The following STYXL1 variants were observed in gnomAD, a reference collection of about 807,000 sequenced individuals.
The protein encoded by STYXL1 is serine/threonine/tyrosine interacting like 1.
In STYXL1, 32 loss-of-function variants were observed where a neutral mutation model predicts 36.4. That is an observed-to-expected ratio of 0.88 (90% CI 0.66 to 1.18). The LOEUF is 1.18. Among genes scored for constraint, STYXL1 ranks in the 50% most tolerant of loss-of-function variants. The pLI is 0.00. For synonymous variants in STYXL1, 133 were observed against 144.1 expected (o/e 0.92, Z 0.55); for missense variants, 354 against 394.1 (o/e 0.90, Z 0.86).
chr7:76,046,323 TGTGTGTGTGTGTGTGTGCGCGCGCGC>T (rs880003677), intron 1 of STYXL1, among the ~76,000 whole-genome samples: 5,756 of 26,680 alleles, frequency 0.22, 276 homozygotes, highest in Middle Eastern at 0.32. Flanking sequence ...TGTGTGTGTG[TGTGTGTGTGTGTGTGTGCGCGCGCGC>T]GCGCGCGCGC....
At chr7:76,007,805 C>T (rs782012219) in intron 5 of STYXL1, among the ~76,000 whole-genome samples, 28 of 150,890 alleles carry the variant, frequency 1.9e-4, no homozygotes, top group African/African-American at 6.6e-4. Context: ...GCTGTACTCC[C>T]GGCTACTCAG....
intron 3 of STYXL1, among the ~76,000 whole-genome samples, chr7:76,027,723 C>T (rs1023041504): frequency 6.6e-6 from 1 of 152,038 alleles, no homozygotes; most frequent in Non-Finnish European, 1.5e-5. Flanking sequence ...AAAGAAAGCT[C>T]CACAACGGCA....
At chr7:76,011,542 T>C (rs1345588094) in intron 5 of STYXL1, among the ~76,000 whole-genome samples, 1 of 152,222 alleles carries the variant, frequency 6.6e-6, no homozygotes, top group Non-Finnish European at 1.5e-5. Context: ...CCAGAAAGTA[T>C]GGAATCTGCT....
intron 5 of STYXL1, among the ~76,000 whole-genome samples, chr7:76,007,465 G>T (rs1415816992): frequency 1.3e-5 from 2 of 152,054 alleles, no homozygotes; most frequent in Non-Finnish European, 2.9e-5. Flanking sequence ...TAGGTTAGAC[G>T]CAAATACTAC....
At chr7:76,037,312 A>T (rs1216249383) in intron 1 of STYXL1, among the ~76,000 whole-genome samples, 4 of 150,368 alleles carry the variant, frequency 2.7e-5, no homozygotes, top group Non-Finnish European at 6.0e-5. Flanking sequence ...TACACCCACC[A>T]GGGGGAAGGT....
intron 1 of STYXL1, among the ~76,000 whole-genome samples, chr7:76,031,714 C>CAAAA (rs11395068): frequency 7.4e-6 from 1 of 134,728 alleles, no homozygotes; most frequent in Non-Finnish European, 1.6e-5. Flanking sequence ...GACTCCATCT[C>CAAAA]AAAAAAAAAA....
At chr7:76,012,950 G>C (rs1251885370) in intron 5 of STYXL1, among the ~76,000 whole-genome samples, 6 of 152,158 alleles carry the variant, frequency 3.9e-5, no homozygotes, top group Non-Finnish European at 7.3e-5. Flanking sequence ...TTCTGACCTT[G>C]GTATCGGTCC....
At chr7:76,007,123 G>T (rs1253658631) in intron 5 of STYXL1, among the ~76,000 whole-genome samples, 7 of 152,100 alleles carry the variant, frequency 4.6e-5, no homozygotes, top group African/African-American at 1.7e-4. Flanking sequence ...ATCTAGAGAT[G>T]ATTTAAAGTA....
chr7:75,996,501 A>C lies in STYXL1; in HGVS notation c.909T>G (p.Asp303Glu), dbSNP rs1790143511. Residue 303 changes from aspartate (D) to glutamate (E), a missense_variant, in exon 9 of 9, where the codon GAT becomes GAG. Coordinates refer to ENST00000359697, the MANE Select transcript of STYXL1 (RefSeq NM_001317785.2). ...LLEWEKTILG[D>E]SITNIMDPLY is the part of the protein sequence containing the mutation. ...GCGGATCCATGATGTTTGTGATGGA[A>C]TCTCCAAGGATAGTCTTCTCCCATT... is the stretch of plus-strand genomic sequence containing the variant. 6.2e-7 allele frequency: 1 copy of C among 1,614,094 alleles called. No homozygotes were observed. Among genetic ancestry groups the C allele is most frequent in the Non-Finnish European group, 8.5e-7 (1 of 1,180,058 alleles).
intron 5 of STYXL1, among the ~76,000 whole-genome samples, chr7:76,007,272 A>C (rs554643698): frequency 1.3e-5 from 2 of 152,110 alleles, no homozygotes; most frequent in South Asian, 4.2e-4. Flanking sequence ...CGAAAAACAC[A>C]AAAATTAGCC....
intron 1 of STYXL1, among the ~76,000 whole-genome samples, chr7:76,046,932 T>G (rs1554583914): frequency 6.6e-6 from 1 of 150,872 alleles, no homozygotes; most frequent in East Asian, 2.0e-4. Flanking sequence ...ATTACAGGCA[T>G]GAGCCACCTT....
At position 75,999,511 on chromosome 7, in the gene STYXL1, A is replaced by ATGTGTGTGTGTGTGTG. The variant is rs71301271; in HGVS notation, c.810+1363_810+1378dup. ...TTTTGTTGTGTGTGTGTGTGTGTGT[A>ATGTGTGTGTGTGTGTG]TGTGTGTGTGTGTGTGTGTGTGTGT... On this transcript the variant is annotated intron_variant, in intron 8 of 8. Transcript: ENST00000359697. Among the ~76,000 whole-genome samples, 901 of 95,844 alleles carry ATGTGTGTGTGTGTGTG rather than the reference A, an allele frequency of 9.4e-3. 12 individuals are homozygous for ATGTGTGTGTGTGTGTG. Among genetic ancestry groups the ATGTGTGTGTGTGTGTG allele is most frequent in the Non-Finnish European group, 0.011 (538 of 50,306 alleles). 62.9% of individuals were successfully genotyped at this position (95,844 alleles called of 152,430 possible).
At position 75,996,459 on chromosome 7, in the gene STYXL1, C is replaced by T. The variant is rs781996968; in HGVS notation, c.*9G>A. 2.4e-5 allele frequency: 39 copies of T among 1,614,158 alleles called. No individual in the cohort carries two copies. The highest frequency in any genetic ancestry group is 1.8e-4 in the South Asian group (16 of 91,076). On this transcript the variant is annotated 3_prime_UTR_variant, in exon 9 of 9. Transcript: ENST00000359697. ...CTCTTCAGTACCCTTCGGTGGGCCT[C>T]GGAGAAGATCAGTAGAGCGGATCCA...
chr7:76,024,939 ACT>A (rs1281304719), intron 3 of STYXL1, among the ~76,000 whole-genome samples: 4 of 85,884 alleles, frequency 4.7e-5, no homozygotes, highest in East Asian at 3.5e-4. Flanking sequence ...ACAGAGTGAG[ACT>A]CTGTCTCAAA....
intron 5 of STYXL1, among the ~76,000 whole-genome samples, chr7:76,008,485 A>T (rs1792104477): frequency 6.6e-6 from 1 of 152,088 alleles, no homozygotes; most frequent in Non-Finnish European, 1.5e-5. Context: ...CACGGCAGTG[A>T]ACCCTCTGCA....
intron 4 of STYXL1, 143 bp downstream of exon 4, chr7:76,021,708 A>G: frequency 1.4e-6 from 1 of 693,912 alleles, no homozygotes; most frequent in Non-Finnish European, 2.5e-6. Context: ...AGTGATCATG[A>G]AGCTCTTTTT....
chr7:76,028,250 T>C (rs1328225653), intron 3 of STYXL1, among the ~76,000 whole-genome samples: 1 of 152,030 alleles, frequency 6.6e-6, no homozygotes, highest in Non-Finnish European at 1.5e-5. Context: ...GCCAGTCTGG[T>C]CTTGAACTCC....
chr7:76,010,779 G>A (rs568736526), intron 5 of STYXL1, among the ~76,000 whole-genome samples: 2 of 152,248 alleles, frequency 1.3e-5, no homozygotes, highest in East Asian at 3.9e-4. Context: ...TCCCTACTTT[G>A]AGTGCCCCCA....
At chr7:76,016,233 A>C (rs2159691) in intron 4 of STYXL1, among the ~76,000 whole-genome samples, 149,959 of 151,580 alleles carry the variant, frequency 0.99, 74,189 homozygotes, top group Middle Eastern at 1. Context: ...CATATATATA[A>C]TTATGTGTGT....
Sources: gnomAD v4.1 joint callset for allele counts (sites outside exome capture counted in the v4.1 genomes callset) on GRCh38, gnomAD v4.1.1 for gene constraint, MANE v1.5 for transcripts, NCBI Gene and HGNC (gene_info 2026-07-23, HGNC 2026-07-21) for gene names.